ACCSL: variants seen among roughly 807,000 people sequenced by gnomAD.
The protein encoded by ACCSL is probable inactive 1-aminocyclopropane-1-carboxylate synthase-like protein 2.
Under a neutral mutation model 61.7 loss-of-function variants are expected in ACCSL, and 55 were observed. The observed-to-expected ratio is 0.89, with a 90% confidence interval of 0.72 to 1.12. The LOEUF is 1.12. Among genes scored for constraint, ACCSL ranks in the 50% most tolerant of loss-of-function variants. ACCSL has a pLI of 0.00. For missense variants in ACCSL, 632 were observed against 698.0 expected, an observed-to-expected ratio of 0.91 and a Z score of 1.07; for synonymous variants, 258 against 264.3, an observed-to-expected ratio of 0.98 and a Z score of 0.23.
chr11:43,929,953 C>T, the ACCSL span, among the ~76,000 whole-genome samples: 2 of 152,148 alleles, frequency 1.3e-5, no homozygotes, highest in African/African-American at 4.8e-5. Flanking sequence ...CCAAGAGAGA[C>T]TGAGGAGGAG....
At chr11:44,016,758 G>A in the ACCSL span, among the ~76,000 whole-genome samples, 2 of 152,122 alleles carry the variant, frequency 1.3e-5, no homozygotes, top group Non-Finnish European at 2.9e-5. Flanking sequence ...AGCTGCTATG[G>A]CATTTCTTTG....
chr11:44,036,042 G>A, the ACCSL span, among the ~76,000 whole-genome samples: 1 of 152,122 alleles, frequency 6.6e-6, no homozygotes, highest in Admixed American at 6.5e-5. Flanking sequence ...GAACTTCAGT[G>A]CCCTTTGAAA....
At chr11:43,955,350 G>A in the ACCSL span, among the ~76,000 whole-genome samples, 5 of 152,172 alleles carry the variant, frequency 3.3e-5, no homozygotes, top group African/African-American at 1.2e-4. Flanking sequence ...CTGGAGTCTG[G>A]GAAGTCTAAA....
the ACCSL span, among the ~76,000 whole-genome samples, chr11:43,960,817 G>GT: frequency 6.1e-4 from 92 of 151,734 alleles, no homozygotes; most frequent in African/African-American, 2.2e-3. Context: ...TTGTGTGTTT[G>GT]TTTTTTGTTT....
chr11:44,013,903 C>A, the ACCSL span, among the ~76,000 whole-genome samples: 5 of 152,134 alleles, frequency 3.3e-5, no homozygotes, highest in African/African-American at 1.2e-4. Context: ...TGCAGAGGCG[C>A]CCTCCTGCCC....
At chr11:44,035,828 C>T in the ACCSL span, among the ~76,000 whole-genome samples, 9 of 149,006 alleles carry the variant, frequency 6.0e-5, no homozygotes, top group Non-Finnish European at 1.0e-4. Context: ...GTCCTAGCTA[C>T]TGAAGTGGCT....
At chr11:43,979,352 C>T in the ACCSL span, among the ~76,000 whole-genome samples, 1 of 151,494 alleles carries the variant, frequency 6.6e-6, no homozygotes, top group African/African-American at 2.4e-5. Context: ...AAAACAAAAA[C>T]AAAAAACAAA....
chr11:43,921,614 A>G, the ACCSL span, among the ~76,000 whole-genome samples: 119 of 152,306 alleles, frequency 7.8e-4, 1 homozygote, highest in African/African-American at 2.7e-3. Context: ...TCCATTCCTT[A>G]CTAATGAAAG....
the ACCSL span, among the ~76,000 whole-genome samples, chr11:44,028,360 A>G: frequency 1.3e-5 from 2 of 152,118 alleles, no homozygotes; most frequent in Admixed American, 6.5e-5. Context: ...AGCACTGTCC[A>G]GTAGAATTTT....
chr11:44,052,922 G>A, intron 6 of ACCSL, 69 bp from the exon 7 acceptor site: 3 of 1,529,436 alleles, frequency 2.0e-6, no homozygotes, highest in Non-Finnish European at 2.7e-6. Context: ...AGGATTGCGG[G>A]GCTTATGGGA....
chr11:44,051,462 T>C (rs1952638576), intron 4 of ACCSL, 58 bp downstream of exon 4: 4 of 1,600,066 alleles, frequency 2.5e-6, no homozygotes. Flanking sequence ...TCTTGGAGGA[T>C]GCTCTGCCCT....
the ACCSL span, chr11:43,925,499 C>T: frequency 2.2e-6 from 1 of 454,910 alleles, no homozygotes; most frequent in African/African-American, 2.0e-5. Context: ...GAATCTAGTG[C>T]CAGCTGAGCT....
the ACCSL span, among the ~76,000 whole-genome samples, chr11:43,942,086 G>C: frequency 6.6e-6 from 1 of 151,898 alleles, no homozygotes; most frequent in East Asian, 2.0e-4. Context: ...GCGCGCGCGC[G>C]CCTGCGGAGG....
chr11:43,927,831 A>G, the ACCSL span, among the ~76,000 whole-genome samples: 3 of 152,128 alleles, frequency 2.0e-5, no homozygotes, highest in African/African-American at 4.8e-5. Context: ...CTTTTATACC[A>G]TTTCCCTCCT....
At chr11:43,986,350 C>T in the ACCSL span, among the ~76,000 whole-genome samples, 1 of 130,064 alleles carries the variant, frequency 7.7e-6, no homozygotes, top group African/African-American at 2.9e-5. Context: ...GATCTTCAAA[C>T]ATAAAACTGG....
the ACCSL span, among the ~76,000 whole-genome samples, chr11:44,037,735 G>C: frequency 2.0e-5 from 3 of 152,182 alleles, no homozygotes; most frequent in African/African-American, 7.2e-5. Flanking sequence ...TGAAAGATTA[G>C]TTAGAAATGA....
Position 44,051,345 on chromosome 11 carries a change from G to A in ACCSL, c.646G>A (p.Glu216Lys), listed in dbSNP as rs1952637527. The A allele has an allele frequency of 6.2e-7, 1 of 1,614,220 alleles. No individual in the cohort carries two copies. Among genetic ancestry groups the A allele is most frequent in the Non-Finnish European group, 8.5e-7 (1 of 1,180,050 alleles). Residue 216 changes from glutamate (E) to lysine (K), a missense_variant, in exon 4 of 14, where the codon GAA becomes AAA. Glu to Lys is a moderately conservative substitution (Grantham distance 56). Coordinates refer to ENST00000378832, the MANE Select transcript of ACCSL (RefSeq NM_001031854.2). ...DWRGQPFLREEVARFLTYYCR... is the reference protein window; with the variant it reads ...DWRGQPFLREKVARFLTYYCR... ...TGGGTCTGTTTACAGCCTGCGGGAA[G>A]AAGTGGCCCGGTTCCTGACCTACTA...
At chr11:44,047,908 G>C (rs950657632), upstream of ACCSL, 10 of 1,183,220 alleles carry the variant, frequency 8.5e-6, no homozygotes, top group African/African-American at 1.5e-5. Context: ...GAACAGATCT[G>C]AGATCTGTTC....
the ACCSL span, among the ~76,000 whole-genome samples, chr11:43,930,321 G>A: frequency 2.0e-5 from 3 of 152,176 alleles, no homozygotes; most frequent in Non-Finnish European, 4.4e-5. Context: ...TCTGTAAAAT[G>A]TAGGGGTTGA....
Sources: allele counts gnomAD v4.1 joint callset (sites outside exome capture counted in the v4.1 genomes callset), GRCh38; gene constraint gnomAD v4.1.1; transcripts MANE v1.5; gene names NCBI Gene and HGNC (gene_info 2026-07-23, HGNC 2026-07-21).